Variants in LLGL2 observed in about 807,000 individuals in gnomAD.
The protein encoded by LLGL2 is LLGL scribble cell polarity complex component 2, also known as LLGL2, scribble cell polarity complex component.
In LLGL2, 81 loss-of-function variants were observed where a neutral mutation model predicts 123.2. The ratio of observed to expected loss-of-function variants is 0.66; its 90% CI spans 0.55 to 0.79. The LOEUF (loss-of-function observed/expected upper bound fraction) is 0.79. Among genes scored for constraint, LLGL2 ranks in the 30% least tolerant of loss-of-function variants. LLGL2 has a pLI of 0.00. For synonymous variants in LLGL2, 577 were observed against 594.1 expected, an observed-to-expected ratio of 0.97 and a Z score of 0.42; for missense variants, 1,273 against 1,414.6, an observed-to-expected ratio of 0.90 and a Z score of 1.61.
chr17:75,543,602 T>C (rs747655578), intron 2 of LLGL2, 101 bp downstream of exon 2: 71 of 822,938 alleles, frequency 8.6e-5, no homozygotes, highest in East Asian at 1.2e-4. Context: ...ATAGCTCTTA[T>C]GTGACTGCCT....
chr17:75,565,468 C>G (rs768310566), intron 10 of LLGL2, among the ~76,000 whole-genome samples: 1 of 152,226 alleles, frequency 6.6e-6, no homozygotes, highest in Non-Finnish European at 1.5e-5. Flanking sequence ...CTTTCTCAGC[C>G]TCTCCTCCCT....
intron 21 of LLGL2, 85 bp from the exon 22 acceptor site, chr17:75,573,867 T>C (rs940683630): frequency 4.1e-6 from 6 of 1,470,338 alleles, no homozygotes; most frequent in African/African-American, 1.4e-5. Context: ...GGCTGCGCCA[T>C]TGACTTGTTC....
rs774777522 is a variant in LLGL2, at chr17:75,570,025, CCTG to C, written c.1649_1651del (p.Leu550del). ...AGGCTGTGGAGCAGGTGGAGGCCGA[CCTG>C]CTGCAGGACCAAGAGGGCTACCGCT... On this transcript the variant is annotated inframe_deletion, in exon 15 of 26. Coordinates refer to ENST00000392550, the MANE Select transcript of LLGL2 (RefSeq NM_001031803.2). The C allele has an allele frequency of 6.2e-7, 1 of 1,612,158 alleles. No homozygotes were observed. Among genetic ancestry groups the C allele is most frequent in the Non-Finnish European group, 8.5e-7 (1 of 1,179,440 alleles).
intron 2 of LLGL2, among the ~76,000 whole-genome samples, chr17:75,550,640 C>T (rs2054623213): frequency 6.6e-6 from 1 of 151,996 alleles, no homozygotes; most frequent in Admixed American, 6.6e-5. Flanking sequence ...CAAAAATTAG[C>T]CAGCTGTGGT....
chr17:75,563,675 G>A (rs2055323859), intron 8 of LLGL2, 77 bp from the exon 9 acceptor site: 3 of 1,552,686 alleles, frequency 1.9e-6, no homozygotes, highest in Non-Finnish European at 2.7e-6. Flanking sequence ...GCATGAGCTA[G>A]AGGGATCTGT....
At chr17:75,542,887 G>A (rs1169302267) in intron 1 of LLGL2, 2 of 152,374 alleles carry the variant, frequency 1.3e-5, no homozygotes, top group Non-Finnish European at 2.9e-5. Flanking sequence ...CCCGAGGTCA[G>A]AAGGAGGAAG....
At chr17:75,557,760 AC>A in intron 3 of LLGL2, 1 of 340,156 alleles carries the variant, frequency 2.9e-6, no homozygotes. Flanking sequence ...TGGTGCCAAG[AC>A]TAATGGGCCA....
intron 2 of LLGL2, among the ~76,000 whole-genome samples, chr17:75,548,358 A>G (rs1598557389): frequency 6.7e-6 from 1 of 149,014 alleles, no homozygotes; most frequent in Non-Finnish European, 1.5e-5. Context: ...GCTCACTGCA[A>G]CCTCTGCCTC....
chr17:75,539,604 G>A (rs1409861219), intron 1 of LLGL2, among the ~76,000 whole-genome samples: 1 of 146,430 alleles, frequency 6.8e-6, no homozygotes, highest in Non-Finnish European at 1.5e-5. Flanking sequence ...CCATTTTCTG[G>A]TTACTTTTTT....
At chr17:75,540,561 G>A (rs936654576) in intron 1 of LLGL2, among the ~76,000 whole-genome samples, 6 of 152,220 alleles carry the variant, frequency 3.9e-5, no homozygotes, top group African/African-American at 7.2e-5. Context: ...CCAGACTGCC[G>A]GGTCGGCTCT....
At chr17:75,571,531 A>G (rs905984566) in intron 17 of LLGL2, 136 bp from the exon 18 acceptor site, 5 of 680,086 alleles carry the variant, frequency 7.4e-6, no homozygotes, top group South Asian at 3.4e-5. Context: ...GGGGTCTTCT[A>G]TGTTGGGGCC....
intron 1 of LLGL2, among the ~76,000 whole-genome samples, chr17:75,530,768 G>A (rs1422930638): frequency 2.0e-5 from 3 of 152,124 alleles, no homozygotes; most frequent in Non-Finnish European, 2.9e-5. Flanking sequence ...CTATGATGGC[G>A]CCACTGCACT....
chr17:75,528,261 G>A (rs1297185284), intron 1 of LLGL2, among the ~76,000 whole-genome samples: 1 of 151,830 alleles, frequency 6.6e-6, no homozygotes, highest in Non-Finnish European at 1.5e-5. Context: ...GACCACAGGC[G>A]CCTGCCATCA....
chr17:75,554,868 G>A (rs1199888627), intron 2 of LLGL2, among the ~76,000 whole-genome samples: 150 of 125,870 alleles, frequency 1.2e-3, no homozygotes, highest in East Asian at 3.1e-3. Flanking sequence ...CAGCCTGGGC[G>A]ACAGCGCAAG....
At chr17:75,543,243 C>T in intron 1 of LLGL2, 154 bp from the exon 2 acceptor site, 1 of 461,968 alleles carries the variant, frequency 2.2e-6, no homozygotes, top group Non-Finnish European at 3.9e-6. Flanking sequence ...GTGGGGAAGC[C>T]AGGGTGCATG....
chr17:75,561,204 C>T (rs971951091), intron 6 of LLGL2, among the ~76,000 whole-genome samples: 1 of 128,220 alleles, frequency 7.8e-6, no homozygotes, highest in African/African-American at 3.2e-5. Flanking sequence ...ACCCTTTAGT[C>T]TCATAACTGT....
intron 1 of LLGL2, among the ~76,000 whole-genome samples, chr17:75,541,233 C>G (rs1295943560): frequency 6.6e-6 from 1 of 152,222 alleles, no homozygotes; most frequent in Non-Finnish European, 1.5e-5. Context: ...TGTCCCCTCC[C>G]TGGAGTCTGC....
At chr17:75,530,356 T>C (rs2147077802) in intron 1 of LLGL2, among the ~76,000 whole-genome samples, 1 of 152,070 alleles carries the variant, frequency 6.6e-6, no homozygotes, top group South Asian at 2.1e-4. Context: ...TTTTAAAAAA[T>C]TAGCTGGGCA....
chr17:75,571,101 G>A lies in LLGL2; in HGVS notation c.2176+1G>A. ...TTTGCTGACACCTACCTGAAGGACA[G>A]TGAGTGGCCAGCCTGGGGTTGGGGG... On this transcript the variant is annotated splice_donor_variant, in intron 17 of 25. Coordinates refer to ENST00000392550, the MANE Select transcript of LLGL2 (RefSeq NM_001031803.2). LOFTEE classifies it high-confidence loss of function. 3 of 1,608,530 alleles carry A rather than the reference G, an allele frequency of 1.9e-6. No homozygotes were observed. Among genetic ancestry groups the A allele is most frequent in the Non-Finnish European group, 2.5e-6 (3 of 1,176,952 alleles).
Sources: allele counts gnomAD v4.1 joint callset (sites outside exome capture counted in the v4.1 genomes callset), GRCh38; gene constraint gnomAD v4.1.1; transcripts MANE v1.5; gene names NCBI Gene and HGNC (gene_info 2026-07-23, HGNC 2026-07-21).